The following MTMR10 variants were observed in gnomAD, a reference collection of about 807,000 sequenced individuals.
MTMR10 encodes the protein myotubularin related protein 10, also known as myotubularin-related protein 10.
MTMR10 carries 56 observed loss-of-function variants against 88.1 expected under a neutral mutation model. The observed-to-expected ratio is 0.64, with a 90% CI of 0.51 to 0.79. The LOEUF is 0.79. MTMR10 is among the 30% of genes least tolerant of loss of function. The pLI is 0.00. For missense variants in MTMR10, 883 were observed against 924.7 expected, an observed-to-expected ratio of 0.95 and a Z score of 0.58; for synonymous variants, 380 against 340.9, an observed-to-expected ratio of 1.11 and a Z score of -1.26.
At chr15:30,937,767 CT>C (rs887061111), downstream of MTMR10, among the ~76,000 whole-genome samples, 1 of 151,548 alleles carries the variant, frequency 6.6e-6, no homozygotes, top group Non-Finnish European at 1.5e-5. Context: ...TCATAATGAA[CT>C]TTTTTAAAAG....
chr15:30,943,809 G>C (rs978237492), intron 14 of MTMR10: 1 of 985,312 alleles, frequency 1.0e-6, no homozygotes, highest in African/African-American at 1.7e-5. Flanking sequence ...AGCTCCTCTG[G>C]AAGGCAGCCC....
At chr15:30,990,968 T>C (rs899180204) in intron 1 of MTMR10, 131 bp from the exon 2 acceptor site, 7 of 747,024 alleles carry the variant, frequency 9.4e-6, no homozygotes, top group Non-Finnish European at 1.3e-5. Context: ...TTCTTTCGCA[T>C]ATTAACTGAG....
rs1466128474 is a variant in MTMR10 at position 30,968,010 on chromosome 15, C to A, written c.475G>T (p.Val159Leu). The change falls in exon 6 of 16, where the codon GTA (valine) becomes TTA (leucine). Residue 159 changes from valine (V) to leucine (L), a missense_variant and splice_region_variant. This residue lies in a region of MTMR10 where 414 missense variants were observed against 423.2 expected (regional missense o/e 0.98). Transcript: ENST00000435680. ...DESGPESAKK[V>L]CLAIAHYSQP... The stretch of plus-strand genomic sequence containing the variant: ...GAATAATGAGCTATTGCAAGGCATA[C>A]CTAGGAAAAATTCTACATTTAGAAT... 3 of 1,553,592 alleles carry A rather than the reference C, an allele frequency of 1.9e-6. No homozygotes were observed. The highest frequency in any genetic ancestry group is 2.6e-6 in the Non-Finnish European group (3 of 1,146,170).
chr15:30,979,310 T>C (rs2030386018), intron 2 of MTMR10, among the ~76,000 whole-genome samples: 1 of 152,052 alleles, frequency 6.6e-6, no homozygotes. Flanking sequence ...CTCACATCTA[T>C]AATCCCAACA....
chr15:30,973,780 C>T (rs2029896704), intron 5 of MTMR10, among the ~76,000 whole-genome samples: 2 of 152,000 alleles, frequency 1.3e-5, no homozygotes, highest in African/African-American at 2.4e-5. Flanking sequence ...TCTGGAAGGC[C>T]GTGGAAAAAT....
chr15:30,972,243 G>T (rs1342296204), intron 5 of MTMR10, among the ~76,000 whole-genome samples: 1 of 152,054 alleles, frequency 6.6e-6, no homozygotes, highest in Non-Finnish European at 1.5e-5. Flanking sequence ...TGAAATAAAA[G>T]AATATGCCAT....
chr15:30,937,059 C>A, downstream of MTMR10: 4 of 1,440,696 alleles, frequency 2.8e-6, no homozygotes, highest in Non-Finnish European at 3.8e-6. Flanking sequence ...CTACAACTTA[C>A]TTGAATGGCT....
intron 6 of MTMR10, among the ~76,000 whole-genome samples, chr15:30,963,223 TC>T (rs2063426533): frequency 6.6e-6 from 1 of 152,142 alleles, no homozygotes; most frequent in African/African-American, 2.4e-5. Context: ...CTGCCCTACT[TC>T]CATCACTGGA....
At chr15:30,963,732 C>G (rs2063438396) in intron 6 of MTMR10, among the ~76,000 whole-genome samples, 1 of 152,070 alleles carries the variant, frequency 6.6e-6, no homozygotes. Flanking sequence ...GAGTCCCACT[C>G]CATCTCAGGG....
intron 2 of MTMR10, among the ~76,000 whole-genome samples, chr15:30,983,789 T>C (rs1014408473): frequency 1.3e-5 from 2 of 152,140 alleles, no homozygotes; most frequent in Non-Finnish European, 2.9e-5. Flanking sequence ...TTTAGGTAAA[T>C]TCAGGAATTA....
chr15:30,975,085 A>T, intron 3 of MTMR10, 82 bp from the exon 4 acceptor site: 2 of 1,053,502 alleles, frequency 1.9e-6, no homozygotes, highest in Non-Finnish European at 1.4e-6. Flanking sequence ...TGTGATGATA[A>T]ACTGTGACAG....
chr15:30,967,256 T>C (rs1267511075), intron 6 of MTMR10, among the ~76,000 whole-genome samples: 1 of 152,206 alleles, frequency 6.6e-6, no homozygotes, highest in Non-Finnish European at 1.5e-5. Context: ...TCTATCAAGA[T>C]ATTTTTAAAA....
chr15:30,987,288 C>G (rs965866629), intron 2 of MTMR10, among the ~76,000 whole-genome samples: 1 of 152,220 alleles, frequency 6.6e-6, no homozygotes, highest in African/African-American at 2.4e-5. Context: ...TTCGTTCAGT[C>G]CCTCAGTAAA....
chr15:30,933,961 C>T (rs2062785559), downstream of MTMR10, among the ~76,000 whole-genome samples: 1 of 152,020 alleles, frequency 6.6e-6, no homozygotes, highest in Non-Finnish European at 1.5e-5. Context: ...GGGGTTCCAC[C>T]ATGTTGCCCA....
At chr15:30,927,143 A>G in the MTMR10 span, 1 of 923,992 alleles carries the variant, frequency 1.1e-6, no homozygotes, top group Non-Finnish European at 1.3e-6. Context: ...CAGGAGGTCA[A>G]GGCTGCAGTG....
chr15:30,967,863 A>G, intron 6 of MTMR10, 57 bp downstream of exon 6: 6 of 1,387,748 alleles, frequency 4.3e-6, no homozygotes, highest in Non-Finnish European at 5.9e-6. Context: ...CGGTAAACAT[A>G]AGAGTAAAAT....
intron 2 of MTMR10, among the ~76,000 whole-genome samples, chr15:30,989,785 C>T (rs1290314835): frequency 2.0e-5 from 3 of 151,994 alleles, no homozygotes; most frequent in Admixed American, 1.3e-4. Flanking sequence ...TGGGGTTTCA[C>T]CGTGTTAGCC....
At chr15:30,922,271 A>C in the MTMR10 span, 3 of 1,613,370 alleles carry the variant, frequency 1.9e-6, no homozygotes, top group African/African-American at 2.7e-5. Context: ...TTTGTCTCAG[A>C]GAATTTATTG....
At position 30,939,443 on chromosome 15, in the gene MTMR10, C is replaced by G. The variant is rs139848118; in HGVS notation, c.*2027G>C. On this transcript the variant is annotated 3_prime_UTR_variant, in exon 16 of 16. Transcript: ENST00000435680. Reference sequence around the variant, plus strand: ...CAGAGGTGGTATAAGCAGCTTCACCCTGGCCCGACTGAAGGCTGTCATAGT... The same window carrying G: ...CAGAGGTGGTATAAGCAGCTTCACCGTGGCCCGACTGAAGGCTGTCATAGT... 1.7e-3 allele frequency: 1,702 copies of G among 985,472 alleles called. No homozygotes were observed. The highest frequency in any genetic ancestry group is 1.9e-3 in the Non-Finnish European group (1,606 of 829,936). The allele number at this position is 985,472 out of a possible 1,614,324, so 61.0% of individuals were successfully genotyped here.
Sources: gnomAD v4.1 joint callset for allele counts (sites outside exome capture counted in the v4.1 genomes callset) on GRCh38, gnomAD v4.1.1 for gene constraint, gnomAD v4.1.1 regional missense constraint, MANE v1.5 for transcripts, NCBI Gene and HGNC (gene_info 2026-07-23, HGNC 2026-07-21) for gene names.